CFI: variants seen among roughly 807,000 people sequenced by gnomAD.
The protein encoded by CFI is complement factor I.
In CFI, 66 loss-of-function variants were observed where a neutral mutation model predicts 78.8. The observed-to-expected ratio is 0.84, with a 90% CI of 0.69 to 1.03. The LOEUF (loss-of-function observed/expected upper bound fraction) is 1.03, where lower values mean the gene tolerates loss of function less well. CFI is among the 50% of genes least tolerant of loss of function. CFI has a pLI of 0.00. For missense variants in CFI, 706 were observed against 704.5 expected (o/e 1.00, Z -0.02); for synonymous variants, 250 against 232.6 (o/e 1.07, Z -0.68).
intron 8 of CFI, among the ~76,000 whole-genome samples, chr4:109,750,784 C>G (rs1400590157): frequency 6.6e-6 from 1 of 152,082 alleles, no homozygotes; most frequent in Non-Finnish European, 1.5e-5. Context: ...GAGTTAGGCC[C>G]CCAAGAAAGA....
chr4:109,733,796 G>A, the CFI span, among the ~76,000 whole-genome samples: 1 of 152,210 alleles, frequency 6.6e-6, no homozygotes. Context: ...CCATATCCAA[G>A]AAGCTTATTC....
At chr4:109,740,190 C>A (rs1236342087), downstream of CFI, among the ~76,000 whole-genome samples, 2 of 152,000 alleles carry the variant, frequency 1.3e-5, no homozygotes, top group Non-Finnish European at 2.9e-5. Context: ...ACTCGGGAGA[C>A]TGGGGTGGCA....
At position 109,764,751 on chromosome 4, in the gene CFI, A is replaced by G. The variant is rs1232954645; in HGVS notation, c.329-61T>C. ...GCCATTCACTTTTTTCTCTTAATTAAAAGTCTTTAAAAATAATAATGTACT... is the reference window on the plus strand; with the variant it reads ...GCCATTCACTTTTTTCTCTTAATTAGAAGTCTTTAAAAATAATAATGTACT... On this transcript the variant is annotated intron_variant, in intron 2 of 12. Transcript: ENST00000394634. The G allele has an allele frequency of 2.1e-6, 3 of 1,452,182 alleles. No homozygotes were observed. The African/African-American group carries it at 4.2e-5, about 20-fold the overall frequency. The allele number at this position is 1,452,182 out of a possible 1,614,324, so 90.0% of individuals were successfully genotyped here. A position where few individuals can be genotyped will look rare whatever the true frequency, so the allele number is the denominator to read the frequency against.
At position 109,760,592 on chromosome 4, in the gene CFI, T is replaced by C. The variant is rs370795796; in HGVS notation, c.703A>G (p.Ile235Val). The C allele has an allele frequency of 6.2e-7, 1 of 1,610,972 alleles. No individual in the cohort carries two copies. Among genetic ancestry groups the C allele is most frequent in the Non-Finnish European group, 8.5e-7 (1 of 1,177,160 alleles). ...DFFQCVNGKY[I>V]SQMKACDGIN... Reference sequence around the variant, plus strand: ...CCATCACAGGCTTTCATCTGAGAAATGTATTTCCCATTCACACACTGAAAG... The same window carrying C: ...CCATCACAGGCTTTCATCTGAGAAACGTATTTCCCATTCACACACTGAAAG... The change falls in exon 5 of 13, where the codon ATT (isoleucine) becomes GTT (valine). Residue 235 changes from isoleucine (I) to valine (V), a missense_variant. Ile to Val is a conservative substitution (Grantham distance 29). Transcript: ENST00000394634.
Position 109,746,231 on chromosome 4 carries a change from G to T in CFI, c.1420C>A (p.Arg474=), listed in dbSNP as rs121964913. The T allele has an allele frequency of 1.2e-6, 2 of 1,613,568 alleles. No homozygotes were observed. The highest frequency in any genetic ancestry group is 1.3e-5 in the African/African-American group (1 of 74,756). ...ACTGTAAAACATATACCTTTTTCTCGTCCCCAGCCAGAAACGATGCATGTA... is the reference window on the plus strand; with the variant it reads ...ACTGTAAAACATATACCTTTTTCTCTTCCCCAGCCAGAAACGATGCATGTA... The part of the protein sequence containing the change: ...NDTCIVSGWG[R]EKDNERVFSL... The change falls in exon 11 of 13, where the codon CGA becomes AGA. Residue 474 remains arginine (R), a synonymous_variant. Coordinates refer to ENST00000394634, the MANE Select transcript of CFI (RefSeq NM_000204.5).
At chr4:109,760,971 A>C (rs1252205275) in intron 4 of CFI, among the ~76,000 whole-genome samples, 1 of 151,966 alleles carries the variant, frequency 6.6e-6, no homozygotes, top group Non-Finnish European at 1.5e-5. Flanking sequence ...CCTCACCCCT[A>C]CTCCCAAGAC....
At chr4:109,775,320 G>A (rs1729082720) in intron 1 of CFI, among the ~76,000 whole-genome samples, 1 of 152,178 alleles carries the variant, frequency 6.6e-6, no homozygotes, top group Non-Finnish European at 1.5e-5. Context: ...CTTTTCCAAT[G>A]GCCTAAGCAA....
intron 10 of CFI, among the ~76,000 whole-genome samples, chr4:109,747,804 G>C (rs1437378542): frequency 6.6e-6 from 1 of 152,146 alleles, no homozygotes; most frequent in African/African-American, 2.4e-5. Context: ...GGGAGGAGGG[G>C]ATGATTTCCG....
At chr4:109,801,870 T>C in intron 1 of CFI, 45 bp downstream of exon 1, 2 of 1,314,840 alleles carry the variant, frequency 1.5e-6, no homozygotes, top group Non-Finnish European at 2.2e-6. Context: ...TTACAACCTT[T>C]AAATTATCAA....
chr4:109,768,303 T>C (rs1579241968), intron 1 of CFI, among the ~76,000 whole-genome samples: 1 of 117,092 alleles, frequency 8.5e-6, no homozygotes, highest in African/African-American at 3.3e-5. Flanking sequence ...AAAAGAATGG[T>C]ATGACTGCCA....
chr4:109,761,509 C>T lies in CFI; in HGVS notation c.658+8G>A. Reference sequence around the variant, plus strand: ...GAAGGGAAAATAACAGGCAAATACTCCACCAACCTGCTTTCTGTGTATAAC... The same window carrying T: ...GAAGGGAAAATAACAGGCAAATACTTCACCAACCTGCTTTCTGTGTATAAC... On this transcript the variant is annotated splice_region_variant and intron_variant, in intron 4 of 12. Transcript: ENST00000394634. The T allele has an allele frequency of 2.5e-6, 4 of 1,613,828 alleles. No individual in the cohort carries two copies. Among genetic ancestry groups the T allele is most frequent in the Non-Finnish European group, 3.4e-6 (4 of 1,179,798 alleles).
chr4:109,773,747 C>G (rs1728876925), intron 1 of CFI, among the ~76,000 whole-genome samples: 1 of 152,176 alleles, frequency 6.6e-6, no homozygotes, highest in Non-Finnish European at 1.5e-5. Context: ...AGGAGACTAT[C>G]AAACACATGG....
At chr4:109,756,941 GA>G in intron 7 of CFI, among the ~76,000 whole-genome samples, 1 of 148,052 alleles carries the variant, frequency 6.8e-6, no homozygotes, top group Middle Eastern at 3.4e-3. Context: ...AAGAAAGAAA[GA>G]AAGAAAGAAA....
In CFI at chr4:109,764,839, A is replaced by G. The variant is rs1727534565; in HGVS notation, c.329-149T>C. 2.7e-5 allele frequency: 20 copies of G among 749,132 alleles called. No individual in the cohort carries two copies. In the South Asian group the frequency reaches 3.5e-4, roughly 13 times the overall value. 46.4% of individuals were successfully genotyped at this position (749,132 alleles called of 1,614,324 possible). A position where few individuals can be genotyped will look rare whatever the true frequency, so the allele number is the denominator to read the frequency against. ...ACAAGTAATAGTAAGCAATCATTTTACGAGTATTTATTATGTGTCAGCGGC... is the reference window on the plus strand; with the variant it reads ...ACAAGTAATAGTAAGCAATCATTTTGCGAGTATTTATTATGTGTCAGCGGC... On this transcript the variant is annotated intron_variant, in intron 2 of 12. Transcript: ENST00000394634.
chr4:109,801,833 A>G (rs1469799386), intron 1 of CFI, 82 bp downstream of exon 1: 3 of 914,806 alleles, frequency 3.3e-6, no homozygotes, highest in Middle Eastern at 3.0e-4. Context: ...AATCAAAATT[A>G]TATATTTAAG....
At chr4:109,756,888 GGAAAGAAA>G (rs561123299) in intron 7 of CFI, among the ~76,000 whole-genome samples, 4,573 of 57,686 alleles carry the variant, frequency 0.079, 273 homozygotes, top group Middle Eastern at 0.12. Flanking sequence ...AAGAAAGAAA[GGAAAGAAA>G]GAAAGAAAGA....
rs1723699959 is a variant in CFI, at chr4:109,740,867, A to G, written c.*26T>C. On this transcript the variant is annotated 3_prime_UTR_variant, in exon 13 of 13. Transcript: ENST00000394634. ...AAATGGAACTCTTGAGAGAAAAAGA[A>G]TAGAATGAAGAGAGAGATCACAATT... 1 of 1,579,364 alleles carries G rather than the reference A, an allele frequency of 6.3e-7. No homozygotes were observed. The highest frequency in any genetic ancestry group is 2.2e-5 in the East Asian group (1 of 44,696).
At chr4:109,757,641 TG>T in intron 7 of CFI, 121 bp downstream of exon 7, 1 of 654,084 alleles carries the variant, frequency 1.5e-6, no homozygotes, top group Non-Finnish European at 2.6e-6. Flanking sequence ...ATGTTCAGGC[TG>T]GGTTATTACT....
At chr4:109,775,533 A>G (rs1729116840) in intron 1 of CFI, among the ~76,000 whole-genome samples, 2 of 152,328 alleles carry the variant, frequency 1.3e-5, no homozygotes, top group South Asian at 4.1e-4. Flanking sequence ...ACCACAGCTC[A>G]AGGAGGCCTG....
Sources: gnomAD v4.1 joint callset for allele counts (sites outside exome capture counted in the v4.1 genomes callset) on GRCh38, gnomAD v4.1.1 for gene constraint, MANE v1.5 for transcripts, NCBI Gene and HGNC (gene_info 2026-07-23, HGNC 2026-07-21) for gene names.